Variants in ATXN7 observed in about 807,000 individuals in gnomAD.
The protein encoded by ATXN7 is ataxin 7, also known as ataxin-7.
A neutral mutation model predicts 70.5 loss-of-function variants in ATXN7; 12 were observed. That is an observed-to-expected ratio of 0.17 (90% confidence interval 0.11 to 0.28). The LOEUF (loss-of-function observed/expected upper bound fraction) is 0.28. ATXN7 is among the 10% of genes least tolerant of loss of function. The probability of loss-of-function intolerance (pLI) is 1.00; values close to 1 mark genes in which losing one functional copy is unlikely to be tolerated. For synonymous variants in ATXN7, 498 were observed against 448.7 expected (o/e 1.11, Z -1.39); for missense variants, 1,256 against 1,131.7 (o/e 1.11, Z -1.58).
rs915477399 is a variant in ATXN7 at position 63,988,462 on chromosome 3, T to TG, written c.1361+139dup. The TG allele has an allele frequency of 8.3e-6, 10 of 1,204,710 alleles. No individual in the cohort carries two copies. The Admixed American group carries it at 1.1e-4, about 14-fold the overall frequency. The allele number at this position is 1,204,710 out of a possible 1,614,324, so 74.6% of individuals were successfully genotyped here. On this transcript the variant is annotated intron_variant, in intron 9 of 12. Coordinates refer to ENST00000674280, the MANE Select transcript of ATXN7 (RefSeq NM_001377405.1). ...GATAGTTTTTTAAGGAGTTTTACTA[T>TG]GAAAAAAAAAAAGGAAAGGTTGAGT... is the stretch of plus-strand genomic sequence containing the variant.
At chr3:63,913,317 G>T in intron 4 of ATXN7, 92 bp downstream of exon 4, 2 of 1,220,206 alleles carry the variant, frequency 1.6e-6, no homozygotes, top group South Asian at 1.3e-5. Flanking sequence ...CCACCATACC[G>T]ACTCCCCGAC....
In ATXN7 at chr3:63,999,750, TTTTTGTTTTTG is replaced by T. The variant is rs1266617565; in HGVS notation, c.*294_*304del. 3.7e-5 allele frequency: 21 copies of T among 565,228 alleles called. No individual in the cohort carries two copies. Among genetic ancestry groups the T allele is most frequent in the Non-Finnish European group, 6.6e-5 (21 of 317,604 alleles). 35.0% of individuals were successfully genotyped at this position (565,228 alleles called of 1,614,324 possible). ...CTGCTTGCTACCAATCTGTGAGAAG[TTTTTGTTTTTG>T]TTTTGTTTTTTAACTTGCAGTATAT... is the stretch of plus-strand genomic sequence containing the variant. On this transcript the variant is annotated 3_prime_UTR_variant, in exon 13 of 13. Transcript: ENST00000674280.
intron 4 of ATXN7, among the ~76,000 whole-genome samples, chr3:63,924,302 A>G (rs1445892231): frequency 6.6e-6 from 1 of 152,198 alleles, no homozygotes; most frequent in African/African-American, 2.4e-5. Context: ...CTTAGTGGGC[A>G]TTCATGTGCG....
chr3:63,907,536 T>G (rs181068982), intron 2 of ATXN7, among the ~76,000 whole-genome samples: 1 of 149,344 alleles, frequency 6.7e-6, no homozygotes. Context: ...CTCAGTTCAC[T>G]GCAGCCTCAA....
At position 63,996,070 on chromosome 3, in the gene ATXN7, G is replaced by A; in HGVS notation, c.2248G>A (p.Val750Ile). 2 of 1,614,042 alleles carry A rather than the reference G, an allele frequency of 1.2e-6. No individual in the cohort carries two copies. Among genetic ancestry groups the A allele is most frequent in the Non-Finnish European group, 1.7e-6 (2 of 1,180,032 alleles). The change falls in exon 12 of 13, where the codon GTA becomes ATA. Residue 750 changes from valine (V) to isoleucine (I), a missense_variant. Val to Ile is a conservative substitution (Grantham distance 29). Coordinates refer to ENST00000674280, the MANE Select transcript of ATXN7 (RefSeq NM_001377405.1). ...AHSGPPYPST[V>I]TSSHSIGLNC... Reference sequence around the variant, plus strand: ...CTCTGGGCCTCCCTACCCCTCAACGGTAACATCTTCCCATAGCATCGGCCT... The same window carrying A: ...CTCTGGGCCTCCCTACCCCTCAACGATAACATCTTCCCATAGCATCGGCCT...
intron 1 of ATXN7, among the ~76,000 whole-genome samples, chr3:63,869,757 C>G (rs923159279): frequency 6.6e-6 from 1 of 152,178 alleles, no homozygotes; most frequent in African/African-American, 2.4e-5. Flanking sequence ...AAGAGAATAC[C>G]TTTATTCATC....
chr3:63,980,839 C>T (rs1221104707), intron 6 of ATXN7, among the ~76,000 whole-genome samples: 2 of 152,136 alleles, frequency 1.3e-5, no homozygotes, highest in African/African-American at 4.8e-5. Context: ...GGAAGCAGTG[C>T]TTCCTCCCTT....
intron 1 of ATXN7, among the ~76,000 whole-genome samples, chr3:63,893,893 G>A (rs1703363838): frequency 6.6e-6 from 1 of 152,188 alleles, no homozygotes; most frequent in African/African-American, 2.4e-5. Flanking sequence ...GAGAAAGCCT[G>A]TGAGAGTGAA....
intron 1 of ATXN7, among the ~76,000 whole-genome samples, chr3:63,884,227 A>T (rs1703005216): frequency 6.8e-6 from 1 of 148,010 alleles, no homozygotes; most frequent in Non-Finnish European, 1.5e-5. Flanking sequence ...ACACACACAC[A>T]CACACACACA....
At chr3:63,865,372 T>C (rs1167566190) in intron 1 of ATXN7, 1 of 152,180 alleles carries the variant, frequency 6.6e-6, no homozygotes, top group Non-Finnish European at 1.5e-5. Context: ...TGTGACTTGC[T>C]CTCCCCTAAG....
At chr3:63,996,813 A>G (rs2075768221) in intron 12 of ATXN7, among the ~76,000 whole-genome samples, 1 of 152,170 alleles carries the variant, frequency 6.6e-6, no homozygotes, top group South Asian at 2.1e-4. Flanking sequence ...TGAAATAGCC[A>G]GTAATGTGTT....
intron 12 of ATXN7, chr3:63,998,461 G>C: frequency 1.0e-6 from 1 of 985,142 alleles, no homozygotes; most frequent in East Asian, 1.1e-4. Flanking sequence ...CTCATGACCT[G>C]CCATTTTGCC....
chr3:63,957,090 TTGAGGCTGTATAC>T (rs2075052423), intron 5 of ATXN7, among the ~76,000 whole-genome samples: 1 of 152,216 alleles, frequency 6.6e-6, no homozygotes, highest in African/African-American at 2.4e-5. Context: ...TGGGGTGTTT[TTGAGGCTGTATAC>T]TGAGAGCTTC....
intron 2 of ATXN7, among the ~76,000 whole-genome samples, chr3:63,899,738 C>G (rs933568089): frequency 6.6e-6 from 1 of 152,090 alleles, no homozygotes; most frequent in Non-Finnish European, 1.5e-5. Context: ...CTCAGCCTCC[C>G]GACTAGCTGG....
intron 4 of ATXN7, among the ~76,000 whole-genome samples, chr3:63,918,670 C>T (rs938934081): frequency 5.3e-5 from 8 of 151,968 alleles, no homozygotes; most frequent in African/African-American, 1.9e-4. Flanking sequence ...TGTTCTGCAC[C>T]TTTCTTTTGA....
intron 5 of ATXN7, among the ~76,000 whole-genome samples, chr3:63,961,343 C>T (rs151253612): frequency 6.6e-6 from 1 of 152,262 alleles, no homozygotes; most frequent in African/African-American, 2.4e-5. Flanking sequence ...CTTAACCTGA[C>T]TCCTGTTGAT....
At chr3:63,983,049 A>G in intron 8 of ATXN7, 28 bp downstream of exon 8, 2 of 1,570,278 alleles carry the variant, frequency 1.3e-6, no homozygotes, top group Non-Finnish European at 1.8e-6. Flanking sequence ...AGTCAAGTCG[A>G]CCATCCTGAT....
intron 2 of ATXN7, 128 bp from the exon 3 acceptor site, chr3:63,912,460 G>T (rs1477261972): frequency 8.9e-6 from 4 of 448,474 alleles, no homozygotes; most frequent in Non-Finnish European, 1.2e-5. Context: ...GGGGCTGGGC[G>T]GCCATGGGGG....
At chr3:63,986,972 C>T (rs2075587955) in intron 8 of ATXN7, among the ~76,000 whole-genome samples, 1 of 152,090 alleles carries the variant, frequency 6.6e-6, no homozygotes, top group African/African-American at 2.4e-5. Flanking sequence ...GATTAGGGGC[C>T]ACTGTAGCTC....
Sources: gnomAD v4.1 joint callset for allele counts (sites outside exome capture counted in the v4.1 genomes callset) on GRCh38, gnomAD v4.1.1 for gene constraint, MANE v1.5 for transcripts, NCBI Gene and HGNC (gene_info 2026-07-23, HGNC 2026-07-21) for gene names.